The following ADAMTSL1 variants were observed in gnomAD, a reference collection of about 807,000 sequenced individuals.
ADAMTSL1 encodes the protein ADAMTS like 1, also known as ADAMTS-like protein 1.
A neutral mutation model predicts 201.8 loss-of-function variants in ADAMTSL1; 126 were observed. The observed-to-expected ratio is 0.62, with a 90% CI of 0.54 to 0.72. ADAMTSL1 has a LOEUF of 0.72. Ranked by LOEUF, ADAMTSL1 falls within the 30% of genes least tolerant of loss-of-function variation. The probability of loss-of-function intolerance (pLI) is 0.00; values close to 1 mark genes in which losing one functional copy is unlikely to be tolerated. For missense variants in ADAMTSL1, 2,679 were observed against 2,277.8 expected, an observed-to-expected ratio of 1.18 and a Z score of -3.59; for synonymous variants, 1,121 against 903.4, an observed-to-expected ratio of 1.24 and a Z score of -4.32.
chr9:18,392,184 AT>A (rs1838081302), intron 2 of ADAMTSL1, among the ~76,000 whole-genome samples: 1 of 152,140 alleles, frequency 6.6e-6, no homozygotes, highest in African/African-American at 2.4e-5. Flanking sequence ...ATCTCAGTTT[AT>A]TTGTTACAAA....
chr9:18,357,137 A>T (rs916167923), intron 2 of ADAMTSL1, among the ~76,000 whole-genome samples: 5 of 152,158 alleles, frequency 3.3e-5, no homozygotes, highest in Non-Finnish European at 7.4e-5. Flanking sequence ...GATGCCTGAA[A>T]TGTGTAAGTT....
intron 2 of ADAMTSL1, among the ~76,000 whole-genome samples, chr9:18,389,324 T>C (rs1378570847): frequency 2.0e-5 from 3 of 152,192 alleles, no homozygotes; most frequent in Non-Finnish European, 2.9e-5. Context: ...TTCTAGAAGA[T>C]GTAAACTGGT....
intron 19 of ADAMTSL1, among the ~76,000 whole-genome samples, chr9:18,791,689 C>T (rs12115464): frequency 0.15 from 22,505 of 152,186 alleles, 2,511 homozygotes; most frequent in East Asian, 0.33. Flanking sequence ...CATGTAGATT[C>T]TGTCTTAAGA....
intron 2 of ADAMTSL1, among the ~76,000 whole-genome samples, chr9:18,519,854 G>A (rs765602714): frequency 3.3e-5 from 5 of 152,186 alleles, no homozygotes; most frequent in Non-Finnish European, 7.3e-5. Flanking sequence ...TAGAAGCTGG[G>A]CATGACCTTT....
chr9:18,201,401 C>T (rs1829438908), intron 2 of ADAMTSL1, among the ~76,000 whole-genome samples: 1 of 152,018 alleles, frequency 6.6e-6, no homozygotes, highest in African/African-American at 2.4e-5. Context: ...TATCATTATT[C>T]ACTTATTTAG....
chr9:18,180,958 A>G (rs1234731431), intron 2 of ADAMTSL1, among the ~76,000 whole-genome samples: 2 of 152,182 alleles, frequency 1.3e-5, no homozygotes. Context: ...ATGGAACAGA[A>G]CAGAGCCCTC....
At chr9:18,405,058 C>T (rs898699511) in intron 2 of ADAMTSL1, among the ~76,000 whole-genome samples, 1 of 152,072 alleles carries the variant, frequency 6.6e-6, no homozygotes, top group Non-Finnish European at 1.5e-5. Flanking sequence ...CGCAACTGGC[C>T]CCTAAATACC....
At chr9:18,287,312 T>C (rs2132657744) in intron 2 of ADAMTSL1, among the ~76,000 whole-genome samples, 1 of 151,908 alleles carries the variant, frequency 6.6e-6, no homozygotes, top group Admixed American at 6.6e-5. Context: ...CGTATATACA[T>C]ATGTATGTAT....
intron 2 of ADAMTSL1, among the ~76,000 whole-genome samples, chr9:18,332,176 C>T (rs910039488): frequency 6.6e-6 from 1 of 152,170 alleles, no homozygotes; most frequent in Admixed American, 6.5e-5. Flanking sequence ...AGGCACACTC[C>T]TCACTGTACT....
chr9:18,522,569 C>G (rs897007287), intron 2 of ADAMTSL1, among the ~76,000 whole-genome samples: 5 of 151,272 alleles, frequency 3.3e-5, no homozygotes, highest in African/African-American at 1.2e-4. Flanking sequence ...TAAGTATATC[C>G]CCTAATGCTA....
chr9:18,537,842 C>G (rs147955461), intron 3 of ADAMTSL1, among the ~76,000 whole-genome samples: 1 of 134,732 alleles, frequency 7.4e-6, no homozygotes, highest in Non-Finnish European at 1.5e-5. Flanking sequence ...CCACTGCACT[C>G]AAGACTGGAA....
At position 18,657,513 on chromosome 9, in the gene ADAMTSL1, C is replaced by T. The variant is rs553447918; in HGVS notation, c.835-126C>T. On this transcript the variant is annotated intron_variant, in intron 7 of 28. Coordinates refer to ENST00000380548, the MANE Select transcript of ADAMTSL1 (RefSeq NM_001040272.6). ...ACATGATACTGCCATTGCCACTTCT[C>T]CCGCAGTGCAGTCCCTCACACAGCC... 3.6e-4 allele frequency: 232 copies of T among 647,616 alleles called. No homozygotes were observed. In the African/African-American group the frequency reaches 3.8e-3, roughly 11 times the overall value. 40.1% of individuals were successfully genotyped at this position (647,616 alleles called of 1,614,324 possible).
At chr9:18,450,342 T>A (rs1336282157) in intron 2 of ADAMTSL1, among the ~76,000 whole-genome samples, 1 of 152,178 alleles carries the variant, frequency 6.6e-6, no homozygotes, top group East Asian at 1.9e-4. Context: ...TAGATTTTAC[T>A]GTATTCAACT....
chr9:18,852,118 AC>A (rs995682218), intron 23 of ADAMTSL1, among the ~76,000 whole-genome samples: 2 of 152,104 alleles, frequency 1.3e-5, no homozygotes, highest in South Asian at 2.1e-4. Flanking sequence ...TATGCTCTCT[AC>A]TGGGGTCCTT....
Position 18,379,293 on chromosome 9 carries a change from A to C in ADAMTSL1, c.208-125536A>C, listed in dbSNP as rs115670369. On this transcript the variant is annotated intron_variant, in intron 2 of 29. Coordinates refer to the ADAMTSL1 transcript ENST00000680146. Reference sequence around the variant, plus strand: ...TCAAAACAGACTAGTTTTTTGTGAGATCGAGAGATTCCAATCTACCTGAGT... The same window carrying C: ...TCAAAACAGACTAGTTTTTTGTGAGCTCGAGAGATTCCAATCTACCTGAGT... Among the ~76,000 whole-genome samples the C allele has an allele frequency of 3.3e-3, 504 of 152,330 alleles. 5 individuals are homozygous for C. The highest frequency in any genetic ancestry group is 0.012 in the African/African-American group (487 of 41,568).
chr9:18,330,005 T>A (rs935720714), intron 2 of ADAMTSL1, among the ~76,000 whole-genome samples: 1 of 152,198 alleles, frequency 6.6e-6, no homozygotes, highest in Admixed American at 6.5e-5. Flanking sequence ...TGAGTCTTGT[T>A]TTCTCATCTG....
Position 18,826,479 on chromosome 9 carries a change from C to T in ADAMTSL1, c.4114+16C>T, listed in dbSNP as rs1224495890. On this transcript the variant is annotated intron_variant, in intron 22 of 28. Coordinates refer to ENST00000380548, the MANE Select transcript of ADAMTSL1 (RefSeq NM_001040272.6). ...CTGATCCTAGGTAAACACTTCAAAGCTGGCTGCCTCTGCTGCACCCTGTTG... is the reference window on the plus strand; with the variant it reads ...CTGATCCTAGGTAAACACTTCAAAGTTGGCTGCCTCTGCTGCACCCTGTTG... 3 of 1,603,764 alleles carry T rather than the reference C, an allele frequency of 1.9e-6. No homozygotes were observed. The highest frequency in any genetic ancestry group is 1.7e-5 in the Admixed American group (1 of 58,870).
At chr9:18,134,546 T>A (rs181403773) in intron 1 of ADAMTSL1, among the ~76,000 whole-genome samples, 1 of 152,254 alleles carries the variant, frequency 6.6e-6, no homozygotes, top group African/African-American at 2.4e-5. Flanking sequence ...GTGGTAATCA[T>A]CCTGATGTTT....
chr9:18,673,373 A>T (rs1829945182), intron 9 of ADAMTSL1, among the ~76,000 whole-genome samples: 1 of 152,248 alleles, frequency 6.6e-6, no homozygotes. Flanking sequence ...ATGTATTAGC[A>T]GGACTGGACA....
Sources: allele counts gnomAD v4.1 joint callset (sites outside exome capture counted in the v4.1 genomes callset), GRCh38; gene constraint gnomAD v4.1.1; transcripts MANE v1.5; gene names NCBI Gene and HGNC (gene_info 2026-07-23, HGNC 2026-07-21).